The following DISC1 variants were observed in gnomAD, a reference collection of about 807,000 sequenced individuals.
DISC1 encodes disrupted in schizophrenia 1 protein.
DISC1 carries 57 observed loss-of-function variants against 84.5 expected under a neutral mutation model. The ratio of observed to expected loss-of-function variants is 0.67; its 90% CI spans 0.55 to 0.84. The LOEUF (loss-of-function observed/expected upper bound fraction) is 0.84. DISC1 is among the 40% of genes least tolerant of loss of function. DISC1 has a pLI of 0.00. For missense variants in DISC1, 1,000 were observed against 1,057.8 expected (o/e 0.95, Z 0.76); for synonymous variants, 411 against 415.2 (o/e 0.99, Z 0.12).
chr1:231,683,478 T>A (rs1208504830), intron 1 of DISC1, among the ~76,000 whole-genome samples: 1 of 147,586 alleles, frequency 6.8e-6, no homozygotes, highest in Non-Finnish European at 1.5e-5. Context: ...CAGGCTGGAG[T>A]GCAATGGCGT....
chr1:231,991,041 G>C (rs200103890), intron 10 of DISC1, among the ~76,000 whole-genome samples: 4 of 152,234 alleles, frequency 2.6e-5, no homozygotes, highest in Non-Finnish European at 4.4e-5. Context: ...AAGCAGCATG[G>C]CTTATTCATT....
At chr1:231,950,283 A>G (rs191480800) in intron 9 of DISC1, among the ~76,000 whole-genome samples, 138 of 151,300 alleles carry the variant, frequency 9.1e-4, no homozygotes, top group African/African-American at 3.1e-3. Flanking sequence ...AGGAGAAAGA[A>G]TCAAAGAATG....
intron 9 of DISC1, among the ~76,000 whole-genome samples, chr1:231,942,658 G>A (rs1457934131): frequency 6.6e-6 from 1 of 151,944 alleles, no homozygotes; most frequent in Admixed American, 6.6e-5. Context: ...GAGTGAGACT[G>A]TCTCAAAAAT....
chr1:231,823,932 C>T (rs1011606270), intron 9 of DISC1, among the ~76,000 whole-genome samples: 1 of 151,576 alleles, frequency 6.6e-6, no homozygotes, highest in African/African-American at 2.4e-5. Flanking sequence ...TTAAAGGGGT[C>T]ATTCTAAGAG....
intron 6 of DISC1, among the ~76,000 whole-genome samples, chr1:231,787,106 G>T (rs1388354218): frequency 6.6e-6 from 1 of 152,132 alleles, no homozygotes; most frequent in Non-Finnish European, 1.5e-5. Context: ...ATGTTCTAAG[G>T]CTCTTGAGAT....
intron 6 of DISC1, among the ~76,000 whole-genome samples, chr1:231,789,321 G>C (rs376348717): frequency 1.2e-3 from 181 of 152,316 alleles, no homozygotes; most frequent in African/African-American, 4.2e-3. Context: ...TGTGGCCAGG[G>C]TGGAGTAAGC....
In DISC1 at chr1:231,707,398, T is replaced by C. The variant is rs114006700; in HGVS notation, c.1117+5374T>C. On this transcript the variant is annotated intron_variant, in intron 3 of 12. Transcript: ENST00000439617. ...CTTTGGAGTGTTCTTGTCTGTGCTC[T>C]ATAGAGCTTTCCCTTCCTTTGCTGT... Among the ~76,000 whole-genome samples the C allele has an allele frequency of 5.4e-3, 820 of 152,322 alleles. 7 individuals are homozygous for C. The highest frequency in any genetic ancestry group is 0.018 in the African/African-American group (764 of 41,568).
chr1:231,779,539 A>C (rs1573750452), intron 6 of DISC1, among the ~76,000 whole-genome samples: 1 of 147,420 alleles, frequency 6.8e-6, no homozygotes, highest in African/African-American at 2.5e-5. Context: ...TACTTGGTCA[A>C]CCTATTCTTG....
intron 8 of DISC1, among the ~76,000 whole-genome samples, chr1:231,808,990 G>T (rs144024203): frequency 6.6e-6 from 1 of 152,352 alleles, no homozygotes; most frequent in East Asian, 1.9e-4. Context: ...GAAGCATCAT[G>T]CAGAGAGAGA....
At chr1:231,855,876 T>C (rs1214851513) in intron 9 of DISC1, among the ~76,000 whole-genome samples, 2 of 152,208 alleles carry the variant, frequency 1.3e-5, no homozygotes, top group East Asian at 3.8e-4. Context: ...TTCTCATTGC[T>C]AGTTAGGCCA....
intron 1 of DISC1, among the ~76,000 whole-genome samples, chr1:231,634,481 C>T (rs751867094): frequency 3.9e-5 from 6 of 152,158 alleles, no homozygotes; most frequent in Non-Finnish European, 8.8e-5. Context: ...TAATGTTTCC[C>T]TAGCGTCTTG....
At chr1:231,733,945 C>A (rs1440425689) in intron 3 of DISC1, among the ~76,000 whole-genome samples, 2 of 145,512 alleles carry the variant, frequency 1.4e-5, no homozygotes, top group Non-Finnish European at 3.0e-5. Flanking sequence ...GTGGTGATGG[C>A]TGAAGTGGTG....
intron 4 of DISC1, among the ~76,000 whole-genome samples, chr1:231,763,952 A>G (rs759985671): frequency 2.0e-5 from 3 of 152,240 alleles, no homozygotes; most frequent in Non-Finnish European, 4.4e-5. Context: ...ATAGCACAAC[A>G]TATATTAGGA....
intron 1 of DISC1, among the ~76,000 whole-genome samples, chr1:231,687,582 C>T (rs1394695864): frequency 6.6e-6 from 1 of 152,138 alleles, no homozygotes; most frequent in East Asian, 1.9e-4. Context: ...ACAGCCAAAC[C>T]GTATAAGATT....
At chr1:231,774,234 A>G (rs2076782515) in intron 6 of DISC1, among the ~76,000 whole-genome samples, 1 of 152,160 alleles carries the variant, frequency 6.6e-6, no homozygotes, top group South Asian at 2.1e-4. Context: ...AGCCAGGGCA[A>G]CAGAGCAAGA....
rs548936096 is a variant in DISC1 at position 232,031,728 on chromosome 1, C to T, written c.2426-4964C>T. Among the ~76,000 whole-genome samples the T allele has an allele frequency of 1.6e-4, 24 of 152,224 alleles. No individual in the cohort carries two copies. Among genetic ancestry groups the T allele is most frequent in the African/African-American group, 2.9e-4 (12 of 41,556 alleles). On this transcript the variant is annotated intron_variant, in intron 12 of 12. Transcript: ENST00000439617. The surrounding 1 kb of genome is among the most constrained non-coding windows in gnomAD (Gnocchi z 4.6). The stretch of plus-strand genomic sequence containing the variant: ...GGGCTGTCCTGCTGCTGGCTGAGCA[C>T]GAGGTGGGCTTGGCACAAGGTAGGC...
intron 9 of DISC1, among the ~76,000 whole-genome samples, chr1:231,840,174 C>T (rs2082933215): frequency 6.6e-6 from 1 of 152,190 alleles, no homozygotes. Flanking sequence ...ATTGCTCATA[C>T]ATCTCTGGTG....
chr1:231,718,191 C>A (rs2069039728), intron 3 of DISC1, among the ~76,000 whole-genome samples: 1 of 152,114 alleles, frequency 6.6e-6, no homozygotes, highest in South Asian at 2.1e-4. Context: ...TATTTTCATC[C>A]CCCTCCAAAG....
intron 7 of DISC1, among the ~76,000 whole-genome samples, chr1:231,796,737 T>G (rs1241210075): frequency 6.6e-6 from 1 of 152,142 alleles, no homozygotes; most frequent in Admixed American, 6.6e-5. Context: ...TCTGCTCTGC[T>G]CACCCAAAGG....
Sources: gnomAD v4.1 joint callset for allele counts (sites outside exome capture counted in the v4.1 genomes callset) on GRCh38, gnomAD v4.1.1 for gene constraint, Gnocchi (gnomAD v3.1) non-coding constraint, MANE v1.5 for transcripts, NCBI Gene and HGNC (gene_info 2026-07-23, HGNC 2026-07-21) for gene names.